SNTG1: variants seen among roughly 807,000 people sequenced by gnomAD.
SNTG1 encodes gamma-1-syntrophin.
Under a neutral mutation model 74.7 loss-of-function variants are expected in SNTG1, and 39 were observed. The observed-to-expected ratio is 0.52, with a 90% confidence interval of 0.40 to 0.68. SNTG1 has a LOEUF of 0.68. Ranked by LOEUF, SNTG1 falls within the 30% of genes least tolerant of loss-of-function variation. The pLI is 0.00. For synonymous variants in SNTG1, 254 were observed against 217.1 expected (o/e 1.17, Z -1.49); for missense variants, 685 against 609.5 (o/e 1.12, Z -1.30).
At chr8:50,596,935 TCTAG>T (rs2094731373) in intron 13 of SNTG1, among the ~76,000 whole-genome samples, 1 of 151,970 alleles carries the variant, frequency 6.6e-6, no homozygotes, top group African/African-American at 2.4e-5. Context: ...CAAAATCTCC[TCTAG>T]CTATGCTGAA....
intron 2 of SNTG1, among the ~76,000 whole-genome samples, chr8:50,233,142 C>T (rs1015634725): frequency 6.6e-6 from 1 of 151,474 alleles, no homozygotes; most frequent in Non-Finnish European, 1.5e-5. Flanking sequence ...CAGGATGGAT[C>T]ATTATACCTG....
chr8:50,266,498 A>G (rs1251305791), intron 2 of SNTG1, among the ~76,000 whole-genome samples: 1 of 151,968 alleles, frequency 6.6e-6, no homozygotes, highest in Non-Finnish European at 1.5e-5. Flanking sequence ...AGAAAATAGA[A>G]GTAAATTTTC....
chr8:50,760,321 T>C (rs191343481), intron 18 of SNTG1, among the ~76,000 whole-genome samples: 89 of 152,222 alleles, frequency 5.8e-4, no homozygotes, highest in African/African-American at 1.6e-3. Flanking sequence ...TATTCCTATT[T>C]GAATACCCTT....
chr8:50,279,035 G>A (rs2088282772), intron 2 of SNTG1, among the ~76,000 whole-genome samples: 1 of 152,064 alleles, frequency 6.6e-6, no homozygotes, highest in Non-Finnish European at 1.5e-5. Context: ...TACAAGATAC[G>A]AGAGTATGCT....
At chr8:49,939,698 C>T (rs997152218) in intron 1 of SNTG1, among the ~76,000 whole-genome samples, 1 of 152,128 alleles carries the variant, frequency 6.6e-6, no homozygotes, top group African/African-American at 2.4e-5. Flanking sequence ...AACTATTAGT[C>T]ATTAAGCCTT....
chr8:50,710,904 T>C (rs1274924355), intron 17 of SNTG1, among the ~76,000 whole-genome samples: 1 of 152,228 alleles, frequency 6.6e-6, no homozygotes, highest in Non-Finnish European at 1.5e-5. Flanking sequence ...TGTTCTATTT[T>C]CTGATTCTTT....
At chr8:50,135,525 A>G (rs553293268) in intron 1 of SNTG1, among the ~76,000 whole-genome samples, 1 of 152,302 alleles carries the variant, frequency 6.6e-6, no homozygotes, top group South Asian at 2.1e-4. Flanking sequence ...ATCAGTAGGA[A>G]GCAAGAACTA....
upstream of SNTG1, among the ~76,000 whole-genome samples, chr8:49,910,160 C>A (rs552860224): frequency 4.2e-4 from 64 of 152,236 alleles, no homozygotes; most frequent in African/African-American, 1.5e-3. Context: ...GAAAGCACAA[C>A]GTCTAGGACT....
chr8:50,300,106 G>A (rs2130655209), intron 2 of SNTG1, among the ~76,000 whole-genome samples: 1 of 152,214 alleles, frequency 6.6e-6, no homozygotes, highest in East Asian at 1.9e-4. Flanking sequence ...GGAACTAAAT[G>A]CAGAGAAGTC....
intron 1 of SNTG1, among the ~76,000 whole-genome samples, chr8:49,972,370 A>G (rs1244190413): frequency 2.6e-5 from 4 of 152,188 alleles, no homozygotes; most frequent in Admixed American, 6.5e-5. Flanking sequence ...TTAATTCAAG[A>G]TGGATTAAAG....
Position 50,643,588 on chromosome 8 carries a change from G to A in SNTG1, c.850-13321G>A, listed in dbSNP as rs145035941. On this transcript the variant is annotated intron_variant, in intron 13 of 18. Coordinates refer to ENST00000642720, the MANE Select transcript of SNTG1 (RefSeq NM_018967.5). The stretch of plus-strand genomic sequence containing the variant: ...TCTTTCTGAGTGTAACAGAGAACTC[G>A]TGGTATGTTTAGTTCATTTTATAAC... Among the ~76,000 whole-genome samples the A allele has an allele frequency of 1.6e-3, 247 of 152,330 alleles. 2 individuals are homozygous for A. Among genetic ancestry groups the A allele is most frequent in the Middle Eastern group, 0.01 (3 of 294 alleles).
Position 49,932,989 on chromosome 8 carries a change from A to AT in SNTG1, c.-103+20765dup, listed in dbSNP as rs3055011. 8.3e-3 allele frequency among the ~76,000 whole-genome samples: 1,256 copies of AT among 152,078 alleles called. 25 individuals carry two copies. The highest frequency in any genetic ancestry group is 0.028 in the African/African-American group (1,158 of 41,514). ...TAGATGTATAATATTCCATTGTATGATTTTTTTACCACGTTGTATTTATCC... is the reference window on the plus strand; with the variant it reads ...TAGATGTATAATATTCCATTGTATGATTTTTTTTACCACGTTGTATTTATCC... On this transcript the variant is annotated intron_variant, in intron 1 of 18. Coordinates refer to ENST00000642720, the MANE Select transcript of SNTG1 (RefSeq NM_018967.5).
intron 1 of SNTG1, among the ~76,000 whole-genome samples, chr8:50,152,900 G>A (rs573270305): frequency 6.2e-4 from 95 of 152,136 alleles, no homozygotes; most frequent in African/African-American, 2.1e-3. Flanking sequence ...TGCTCTTCTC[G>A]AGGAGTATCT....
At chr8:50,211,083 A>T (rs1484657497) in intron 2 of SNTG1, among the ~76,000 whole-genome samples, 2 of 152,162 alleles carry the variant, frequency 1.3e-5, no homozygotes, top group Non-Finnish European at 2.9e-5. Flanking sequence ...GGTGTTACAA[A>T]TTCAGATCAG....
chr8:50,204,455 T>C (rs187157285), intron 2 of SNTG1, among the ~76,000 whole-genome samples: 59 of 151,070 alleles, frequency 3.9e-4, no homozygotes, highest in African/African-American at 1.3e-3. Flanking sequence ...GGACTAGATA[T>C]CTTCCAAATA....
intron 1 of SNTG1, among the ~76,000 whole-genome samples, chr8:50,015,387 G>A (rs954985376): frequency 6.6e-6 from 1 of 151,904 alleles, no homozygotes; most frequent in South Asian, 2.1e-4. Context: ...CATGAACAAA[G>A]CCTCAGAGAA....
At chr8:50,057,468 G>A (rs748523361) in intron 1 of SNTG1, among the ~76,000 whole-genome samples, 1 of 152,018 alleles carries the variant, frequency 6.6e-6, no homozygotes, top group South Asian at 2.1e-4. Context: ...CCACAGTGGA[G>A]CAGAAAGTGT....
At chr8:50,475,720 T>C (rs2093691983) in intron 8 of SNTG1, among the ~76,000 whole-genome samples, 1 of 152,064 alleles carries the variant, frequency 6.6e-6, no homozygotes, top group Non-Finnish European at 1.5e-5. Context: ...GTTTGCTGAA[T>C]AGAAAGATTT....
chr8:50,452,293 A>C (rs1342711090), intron 8 of SNTG1, among the ~76,000 whole-genome samples: 2 of 152,230 alleles, frequency 1.3e-5, no homozygotes, highest in Non-Finnish European at 2.9e-5. Context: ...GTGCAAAAAA[A>C]CTAATATTTT....
Sources: gnomAD v4.1 joint callset for allele counts (sites outside exome capture counted in the v4.1 genomes callset) on GRCh38, gnomAD v4.1.1 for gene constraint, MANE v1.5 for transcripts, NCBI Gene and HGNC (gene_info 2026-07-23, HGNC 2026-07-21) for gene names.